Variants in DLG4 observed in about 807,000 individuals in gnomAD.
The protein encoded by DLG4 is discs large MAGUK scaffold protein 4.
Under a neutral mutation model 93.8 loss-of-function variants are expected in DLG4, and 7 were observed. The ratio of observed to expected loss-of-function variants is 0.07; its 90% confidence interval spans 0.04 to 0.14. The LOEUF (loss-of-function observed/expected upper bound fraction) is 0.14. Among genes scored for constraint, DLG4 ranks in the 10% least tolerant of loss-of-function variants. The pLI is 1.00. For synonymous variants in DLG4, 341 were observed against 387.6 expected, an observed-to-expected ratio of 0.88 and a Z score of 1.41; for missense variants, 545 against 992.9, an observed-to-expected ratio of 0.55 and a Z score of 6.06.
Position 7,201,043 on chromosome 17 carries a change from T to A in DLG4, c.787+1860A>T, listed in dbSNP as rs201401576. Among the ~76,000 whole-genome samples, 10 of 151,892 alleles carry A rather than the reference T, an allele frequency of 6.6e-5. No homozygotes were observed. In the East Asian group the frequency reaches 1.8e-3, roughly 27 times the overall value. ...CCCAGCTAATTTTTTTTTGTATTTT[T>A]AGTAGAGACAGCGTTTCTCCATGTT... On this transcript the variant is annotated intron_variant, in intron 8 of 19. Coordinates refer to ENST00000399506, the MANE Select transcript of DLG4 (RefSeq NM_001321075.3).
intron 1 of DLG4, among the ~76,000 whole-genome samples, chr17:7,212,982 G>A (rs1443128270): frequency 2.0e-5 from 3 of 152,204 alleles, no homozygotes; most frequent in Admixed American, 2.0e-4. Context: ...GCAGTGAGCC[G>A]AGATCGTGCC....
intron 8 of DLG4, among the ~76,000 whole-genome samples, chr17:7,200,609 C>T (rs988149617): frequency 2.7e-5 from 4 of 149,308 alleles, no homozygotes; most frequent in African/African-American, 4.9e-5. Flanking sequence ...TGCAATGGCG[C>T]GATCTCAGCT....
At chr17:7,197,279 C>T (rs1389619086) in intron 8 of DLG4, among the ~76,000 whole-genome samples, 14 of 151,904 alleles carry the variant, frequency 9.2e-5, no homozygotes, top group East Asian at 1.9e-4. Flanking sequence ...AGGATTTGAA[C>T]GTTATATGTC....
Position 7,217,234 on chromosome 17 carries a change from C to A in DLG4, c.-87G>T. The A allele has an allele frequency of 8.0e-7, 1 of 1,256,916 alleles. No individual in the cohort carries two copies. Among genetic ancestry groups the A allele is most frequent in the Non-Finnish European group, 1.0e-6 (1 of 993,784 alleles). 77.9% of individuals were successfully genotyped at this position (1,256,916 alleles called of 1,614,324 possible). A position where few individuals can be genotyped will look rare whatever the true frequency, so the allele number is the denominator to read the frequency against. ...CCCCTCCGTGGGTTCTCACCCCTCC[C>A]CCCTCCGCACCCCACTTTTGCAGGG... On this transcript the variant is annotated 5_prime_UTR_variant, in exon 1 of 20. Coordinates refer to ENST00000399506, the MANE Select transcript of DLG4 (RefSeq NM_001321075.3).
At chr17:7,214,452 G>A (rs965908613) in intron 1 of DLG4, among the ~76,000 whole-genome samples, 3 of 151,828 alleles carry the variant, frequency 2.0e-5, no homozygotes, top group African/African-American at 4.8e-5. Context: ...CCGCCCGTTC[G>A]CTCCCCCTGC....
Position 7,187,941 on chromosome 17 carries a change from G to A in DLG4, c.*2767C>T, listed in dbSNP as rs146402582. On this transcript the variant is annotated 3_prime_UTR_variant, in exon 20 of 20. Coordinates refer to ENST00000399506, the MANE Select transcript of DLG4 (RefSeq NM_001321075.3). ...AAAAAATAGCTGTGTGTTATGGCACGCATCTGTAATCCCAGCTACTTGGGA... is the reference window on the plus strand; with the variant it reads ...AAAAAATAGCTGTGTGTTATGGCACACATCTGTAATCCCAGCTACTTGGGA... Among the ~76,000 whole-genome samples the A allele has an allele frequency of 4.8e-3, 735 of 152,016 alleles. 5 individuals carry two copies. The highest frequency in any genetic ancestry group is 0.017 in the African/African-American group (687 of 41,444).
intron 8 of DLG4, among the ~76,000 whole-genome samples, chr17:7,199,707 G>A (rs1022930668): frequency 4.0e-5 from 6 of 151,804 alleles, no homozygotes; most frequent in Non-Finnish European, 7.4e-5. Context: ...GGCTGGGCAC[G>A]GTGGCTCAGG....
At chr17:7,207,278 C>T (rs1478366281) in intron 2 of DLG4, among the ~76,000 whole-genome samples, 2 of 151,902 alleles carry the variant, frequency 1.3e-5, no homozygotes, top group African/African-American at 4.8e-5. Context: ...GATCAGGCCC[C>T]AGCGGCCTGG....
chr17:7,191,958 C>A lies in DLG4; in HGVS notation c.1911G>T (p.Arg637=). The change falls in exon 18 of 20, where the codon CGG becomes CGT. Residue 637 remains arginine, a synonymous_variant. Coordinates refer to ENST00000399506, the MANE Select transcript of DLG4 (RefSeq NM_001321075.3). The surrounding 1 kb of genome is among the most constrained non-coding windows in gnomAD (Gnocchi z 6.6). ...TGGGGTGCAGGTGGGCCGCCTGCAG[C>A]CGCCGCACGGCATTGGCCGAGACAT... ...ILDVSANAVR[R]LQAAHLHPIA... 2 of 1,483,482 alleles carry A rather than the reference C, an allele frequency of 1.3e-6. No individual in the cohort carries two copies. The highest frequency in any genetic ancestry group is 1.8e-6 in the Non-Finnish European group (2 of 1,113,616). 91.9% of individuals were successfully genotyped at this position (1,483,482 alleles called of 1,614,324 possible). A position where few individuals can be genotyped will look rare whatever the true frequency, so the allele number is the denominator to read the frequency against.
Position 7,217,566 on chromosome 17 carries a change from G to A in DLG4, c.-419C>T. On this transcript the variant is annotated 5_prime_UTR_variant, in exon 1 of 20. Coordinates refer to ENST00000399506, the MANE Select transcript of DLG4 (RefSeq NM_001321075.3). The stretch of plus-strand genomic sequence containing the variant: ...GCCGTGGCGGGGGAGTGGGGTGGGG[G>A]GGTTGGAAACGGCAGCGGCCGAGGG... The A allele has an allele frequency of 1.6e-6, 2 of 1,279,588 alleles. No homozygotes were observed. Among genetic ancestry groups the A allele is most frequent in the Non-Finnish European group, 2.0e-6 (2 of 983,798 alleles). The allele number at this position is 1,279,588 out of a possible 1,614,324, so 79.3% of individuals were successfully genotyped here. A position where few individuals can be genotyped will look rare whatever the true frequency, so the allele number is the denominator to read the frequency against.
rs111710519 is a variant in DLG4, at chr17:7,215,399, G to A, written c.30+1719C>T. ...GCCTGCTGGCAAGCCCCTCACCCTCGCTCCCATTTGTGTGTTCACGTGTTG... is the reference window on the plus strand; with the variant it reads ...GCCTGCTGGCAAGCCCCTCACCCTCACTCCCATTTGTGTGTTCACGTGTTG... On this transcript the variant is annotated intron_variant, in intron 1 of 19. Transcript: ENST00000399506. Among the ~76,000 whole-genome samples, 656 of 152,116 alleles carry A rather than the reference G, an allele frequency of 4.3e-3. 2 individuals are homozygous for A. Among genetic ancestry groups the A allele is most frequent in the Non-Finnish European group, 7.0e-3 (476 of 67,978 alleles).
At chr17:7,200,816 G>A (rs1190726051) in intron 8 of DLG4, among the ~76,000 whole-genome samples, 10 of 148,948 alleles carry the variant, frequency 6.7e-5, no homozygotes, top group Admixed American at 2.7e-4. Context: ...AAAGTGCTGG[G>A]ATTACAGGCA....
In DLG4 at chr17:7,209,498, A is replaced by C. The variant is rs1428751057; in HGVS notation, c.31-1259T>G. 3.3e-5 allele frequency among the ~76,000 whole-genome samples: 5 copies of C among 152,310 alleles called. No homozygotes were observed. In the South Asian group the frequency reaches 1.0e-3, roughly 32 times the overall value. On this transcript the variant is annotated intron_variant, in intron 1 of 19. Coordinates refer to ENST00000399506, the MANE Select transcript of DLG4 (RefSeq NM_001321075.3). ...CCGCCCAGTACACATGGGTAAAAAG[A>C]GAAGGCACGGCAATCCCAGCACTTT...
upstream of DLG4, chr17:7,218,887 G>A: frequency 1.2e-6 from 2 of 1,611,294 alleles, no homozygotes; most frequent in South Asian, 1.1e-5. Flanking sequence ...TAATCCTCCA[G>A]GATTGGAGTT....
rs372875921 is a variant in DLG4, at chr17:7,202,945, C to A, written c.745G>T (p.Ala249Ser). Residue 249 changes from alanine to serine, a missense_variant, in exon 8 of 20, where the codon GCC becomes TCC. Transcript: ENST00000399506. ...VYLKVAKPSN[A>S]YLSDSYAPPD... The stretch of plus-strand genomic sequence containing the variant: ...GGAGCATAGCTGTCACTCAGGTAGG[C>A]ATTGCTGGGCTTGGCCACCTTTAGG... The A allele has an allele frequency of 1.9e-5, 31 of 1,613,894 alleles. No individual in the cohort carries two copies. The African/African-American group carries it at 4.0e-4, about 21-fold the overall frequency.
intron 1 of DLG4, chr17:7,213,955 T>A: frequency 2.3e-6 from 1 of 437,784 alleles, no homozygotes; most frequent in Non-Finnish European, 4.9e-6. Context: ...CCTTCTAGAA[T>A]AGAAAACCTG....
Position 7,203,979 on chromosome 17 carries a change from G to A in DLG4, c.210+29C>T, listed in dbSNP as rs750879473. ...AAGAAAGGTACAGACGGGAGGCCAC[G>A]GGGACTGCCGATGGAGGAGCCTGCT... On this transcript the variant is annotated intron_variant, in intron 4 of 19. Transcript: ENST00000399506. This position sits in a 1 kb window ranked among gnomAD's most constrained non-coding sequence, Gnocchi z 7.2. 7.5e-6 allele frequency: 12 copies of A among 1,608,374 alleles called. No individual in the cohort carries two copies. The highest frequency in any genetic ancestry group is 2.7e-5 in the African/African-American group (2 of 74,748).
chr17:7,218,589 G>A (rs1313094792), upstream of DLG4: 3 of 1,566,946 alleles, frequency 1.9e-6, no homozygotes, highest in South Asian at 2.4e-5. Flanking sequence ...AGGAGTGGGG[G>A]TGCCCACCGC....
At chr17:7,202,487 A>G (rs2070195060) in intron 8 of DLG4, among the ~76,000 whole-genome samples, 1 of 152,158 alleles carries the variant, frequency 6.6e-6, no homozygotes, top group Non-Finnish European at 1.5e-5. Flanking sequence ...TTGCTACTAT[A>G]TTATTGTAAA....
Sources: allele counts gnomAD v4.1 joint callset (sites outside exome capture counted in the v4.1 genomes callset), GRCh38; gene constraint gnomAD v4.1.1; non-coding constraint Gnocchi (gnomAD v3.1); transcripts MANE v1.5; gene names NCBI Gene and HGNC (gene_info 2026-07-23, HGNC 2026-07-21).